Variants in DENND1A observed in about 807,000 individuals in gnomAD.
DENND1A encodes DENN domain-containing protein 1A.
DENND1A carries 51 observed loss-of-function variants against 113.7 expected under a neutral mutation model. The observed-to-expected ratio is 0.45, with a 90% CI of 0.36 to 0.57. The LOEUF is 0.57. Among genes scored for constraint, DENND1A ranks in the 20% least tolerant of loss-of-function variants. The pLI is 0.00. For synonymous variants in DENND1A, 565 were observed against 570.8 expected (o/e 0.99, Z 0.14); for missense variants, 1,258 against 1,395.9 (o/e 0.90, Z 1.57).
chr9:123,747,081 T>A (rs1022882766), intron 5 of DENND1A, among the ~76,000 whole-genome samples: 2 of 152,004 alleles, frequency 1.3e-5, no homozygotes, highest in African/African-American at 4.8e-5. Flanking sequence ...TGTTTTCTGA[T>A]GGGACCAGAA....
intron 5 of DENND1A, among the ~76,000 whole-genome samples, chr9:123,677,192 C>G (rs1248215966): frequency 6.6e-6 from 1 of 152,250 alleles, no homozygotes; most frequent in South Asian, 2.1e-4. Context: ...GACACACACA[C>G]AGCATTCCCA....
At chr9:123,823,948 T>C (rs1387090486) in intron 2 of DENND1A, among the ~76,000 whole-genome samples, 1 of 152,188 alleles carries the variant, frequency 6.6e-6, no homozygotes, top group Non-Finnish European at 1.5e-5. Flanking sequence ...ATTTGAGATG[T>C]CTATGAGAAG....
chr9:123,406,267 G>A (rs1482278814), intron 20 of DENND1A, among the ~76,000 whole-genome samples: 2 of 152,164 alleles, frequency 1.3e-5, no homozygotes, highest in African/African-American at 4.8e-5. Flanking sequence ...TCAGGGATGT[G>A]GTAAACACCA....
chr9:123,443,654 C>T (rs578233663), intron 18 of DENND1A, among the ~76,000 whole-genome samples: 11 of 152,334 alleles, frequency 7.2e-5, no homozygotes, highest in Admixed American at 1.3e-4. Context: ...GAGGAGCCCA[C>T]GTCAAGGAAG....
chr9:123,406,657 GTGCTGAATAAACAAGTGGGTATCCC>G (rs2043878831), intron 20 of DENND1A, among the ~76,000 whole-genome samples: 1 of 152,212 alleles, frequency 6.6e-6, no homozygotes. Flanking sequence ...CAGTCAACAC[GTGCTGAATAAACAAGTGGGTATCCC>G]TGCACCCCTT....
intron 10 of DENND1A, among the ~76,000 whole-genome samples, chr9:123,610,305 T>G (rs1312814762): frequency 6.6e-6 from 1 of 152,248 alleles, no homozygotes; most frequent in African/African-American, 2.4e-5. Context: ...TGAGGAACTT[T>G]AAATTCATCT....
At chr9:123,598,012 A>T (rs1486350447) in intron 11 of DENND1A, among the ~76,000 whole-genome samples, 2 of 152,194 alleles carry the variant, frequency 1.3e-5, no homozygotes, top group East Asian at 3.8e-4. Flanking sequence ...AATCGCCAAG[A>T]TTTACAATCT....
chr9:123,477,939 C>T (rs1358021646), intron 13 of DENND1A, among the ~76,000 whole-genome samples: 2 of 152,036 alleles, frequency 1.3e-5, no homozygotes, highest in Non-Finnish European at 2.9e-5. Flanking sequence ...GATGATGGCT[C>T]CACGTGGTTC....
chr9:123,425,628 C>T (rs199719561), intron 19 of DENND1A, among the ~76,000 whole-genome samples: 2 of 424 alleles, frequency 4.7e-3, no homozygotes, highest in East Asian at 0.5. Flanking sequence ...CCCAAACTCT[C>T]ATGGGCAGCT....
At chr9:123,633,097 G>C (rs1455047995) in intron 9 of DENND1A, among the ~76,000 whole-genome samples, 1 of 151,988 alleles carries the variant, frequency 6.6e-6, no homozygotes, top group Non-Finnish European at 1.5e-5. Context: ...TTGTAGAGAC[G>C]GGGTTTCGCC....
rs1160381588 is a variant in DENND1A, at chr9:123,381,625, T to C, written c.3020A>G (p.Asp1007Gly). The C allele has an allele frequency of 6.2e-7, 1 of 1,610,268 alleles. No individual in the cohort carries two copies. The highest frequency in any genetic ancestry group is 1.3e-5 in the African/African-American group (1 of 74,206). The part of the protein sequence containing the change: ...TKQGLALRPG[D>G]PPLLPPRPPQ... The stretch of plus-strand genomic sequence containing the variant: ...GGGCCTGGGAGGCAGAAGCGGGGGG[T>C]CTCCAGGCCTCAGGGCCAGCCCCTG... The change falls in exon 24 of 24, where the codon GAC (aspartate) becomes GGC (glycine). Residue 1007 changes from aspartate to glycine, a missense_variant. By Grantham distance (94) the Asp-to-Gly change is moderately conservative (BLOSUM62 -1). This residue lies in a region of DENND1A where 1,159 missense variants were observed against 1,231.7 expected (regional missense o/e 0.94). Coordinates refer to ENST00000394215, the MANE Select transcript of DENND1A (RefSeq NM_001352964.2). The surrounding 1 kb of genome is among the most constrained non-coding windows in gnomAD (Gnocchi z 4.7).
intron 10 of DENND1A, among the ~76,000 whole-genome samples, chr9:123,620,513 G>T (rs2060904656): frequency 6.6e-6 from 1 of 152,136 alleles, no homozygotes; most frequent in South Asian, 2.1e-4. Flanking sequence ...CACATCTTTA[G>T]TAGGACCAGA....
At chr9:123,756,000 T>C (rs2070509093) in intron 5 of DENND1A, among the ~76,000 whole-genome samples, 1 of 152,134 alleles carries the variant, frequency 6.6e-6, no homozygotes, top group Admixed American at 6.5e-5. Context: ...AACCTCCATG[T>C]CTCGGATTCA....
chr9:123,607,476 CACAGAGAGAGAG>C, intron 11 of DENND1A, among the ~76,000 whole-genome samples: 1 of 116,734 alleles, frequency 8.6e-6, no homozygotes, highest in Non-Finnish European at 1.8e-5. Flanking sequence ...GAGAGAGAGA[CACAGAGAGAGAG>C]ACACACACAC....
At chr9:123,475,587 C>T (rs1434682235) in intron 13 of DENND1A, among the ~76,000 whole-genome samples, 2 of 152,212 alleles carry the variant, frequency 1.3e-5, no homozygotes, top group African/African-American at 4.8e-5. Context: ...CATCCGAGGC[C>T]CCCCTGGCCT....
chr9:123,574,042 GT>G (rs1426771349), intron 12 of DENND1A, among the ~76,000 whole-genome samples: 1 of 150,688 alleles, frequency 6.6e-6, no homozygotes. Context: ...AGATTACATG[GT>G]TTTTCAAATA....
intron 1 of DENND1A, among the ~76,000 whole-genome samples, chr9:123,905,482 C>G (rs1395897713): frequency 5.2e-4 from 75 of 144,824 alleles, no homozygotes; most frequent in Non-Finnish European, 9.1e-4. Context: ...CAGAGACACA[C>G]ATAGGCTCAA....
intron 15 of DENND1A, among the ~76,000 whole-genome samples, chr9:123,455,324 T>A (rs891841298): frequency 2.0e-5 from 3 of 152,196 alleles, no homozygotes; most frequent in Non-Finnish European, 4.4e-5. Flanking sequence ...GCCACTCTCC[T>A]CCAGTCGCGC....
At chr9:123,562,311 T>C (rs1273721722) in intron 12 of DENND1A, among the ~76,000 whole-genome samples, 1 of 152,186 alleles carries the variant, frequency 6.6e-6, no homozygotes. Flanking sequence ...GGCTGTCTCT[T>C]GTCCCTTCCT....
Sources: gnomAD v4.1 joint callset for allele counts (sites outside exome capture counted in the v4.1 genomes callset) on GRCh38, gnomAD v4.1.1 for gene constraint, gnomAD v4.1.1 regional missense constraint, Gnocchi (gnomAD v3.1) non-coding constraint, MANE v1.5 for transcripts, NCBI Gene and HGNC (gene_info 2026-07-23, HGNC 2026-07-21) for gene names.